The following YTHDC2 variants were observed in gnomAD, a reference collection of about 807,000 sequenced individuals.
YTHDC2 encodes the protein YTH N6-methyladenosine RNA binding protein C2.
YTHDC2 carries 45 observed loss-of-function variants against 174.9 expected under a neutral mutation model. The observed-to-expected ratio is 0.26, with a 90% CI of 0.20 to 0.33. YTHDC2 has a LOEUF of 0.33. Ranked by LOEUF, YTHDC2 falls within the 10% of genes least tolerant of loss-of-function variation. The probability of loss-of-function intolerance (pLI) is 1.00; values close to 1 mark genes in which losing one functional copy is unlikely to be tolerated. For synonymous variants in YTHDC2, 657 were observed against 574.5 expected (o/e 1.14, Z -2.05); for missense variants, 1,650 against 1,723.7 (o/e 0.96, Z 0.76).
chr5:113,568,910 C>T (rs937439153), intron 23 of YTHDC2, among the ~76,000 whole-genome samples: 1 of 151,944 alleles, frequency 6.6e-6, no homozygotes, highest in Non-Finnish European at 1.5e-5. Flanking sequence ...TTTCTGCCTC[C>T]AGGTCTTTGA....
In YTHDC2 at chr5:113,540,701, A is replaced by G. The variant is rs115306816; in HGVS notation, c.1211-267A>G. On this transcript the variant is annotated intron_variant, in intron 8 of 29. Transcript: ENST00000161863. ...CACCTCCCACCAGGTCTTTCCCTCAACACCTGCGAATTATAATTCAAGATG... is the reference window on the plus strand; with the variant it reads ...CACCTCCCACCAGGTCTTTCCCTCAGCACCTGCGAATTATAATTCAAGATG... 6.5e-3 allele frequency among the ~76,000 whole-genome samples: 996 copies of G among 152,234 alleles called. 7 individuals are homozygous for G. The highest frequency in any genetic ancestry group is 0.022 in the African/African-American group (927 of 41,538).
chr5:113,590,285 G>A (rs1318802480), intron 26 of YTHDC2, among the ~76,000 whole-genome samples: 2 of 152,142 alleles, frequency 1.3e-5, no homozygotes, highest in Non-Finnish European at 2.9e-5. Flanking sequence ...GTTAGGAATG[G>A]GCCAGAGCAG....
chr5:113,515,440 T>A, intron 2 of YTHDC2, 78 bp downstream of exon 2: 1 of 1,137,402 alleles, frequency 8.8e-7, no homozygotes, highest in Non-Finnish European at 1.3e-6. Context: ...TGAGTACATT[T>A]AAGTACTTAT....
At chr5:113,528,007 A>G (rs1428109552) in intron 4 of YTHDC2, among the ~76,000 whole-genome samples, 1 of 152,098 alleles carries the variant, frequency 6.6e-6, no homozygotes, top group Non-Finnish European at 1.5e-5. Flanking sequence ...TACTCCAGAG[A>G]ATTTGTTTAG....
rs113610272 is a variant in YTHDC2, at chr5:113,578,366, G to GGTTTTGTTTT, written c.3245-1199_3245-1190dup. ...ATGAGTCACCACACCTGGCATAGAA[G>GGTTTTGTTTT]GTTTTGTTTTGTTTTGTTTTGTTTT... is the stretch of plus-strand genomic sequence containing the variant. On this transcript the variant is annotated intron_variant, in intron 23 of 29. Transcript: ENST00000161863. Among the ~76,000 whole-genome samples, 881 of 148,824 alleles carry GGTTTTGTTTT rather than the reference G, an allele frequency of 5.9e-3. 13 individuals are homozygous for GGTTTTGTTTT. Among genetic ancestry groups the GGTTTTGTTTT allele is most frequent in the East Asian group, 0.02 (105 of 5,142 alleles).
intron 23 of YTHDC2, among the ~76,000 whole-genome samples, chr5:113,573,137 T>C (rs1284692191): frequency 6.6e-6 from 1 of 152,186 alleles, no homozygotes; most frequent in Non-Finnish European, 1.5e-5. Context: ...AGTGCTTCCT[T>C]CAGGAGCTCT....
chr5:113,517,625 A>T (rs995838442), intron 2 of YTHDC2: 1 of 456,290 alleles, frequency 2.2e-6, no homozygotes, highest in South Asian at 1.5e-5. Flanking sequence ...CTGCCTATTT[A>T]TCCAGTCCCT....
chr5:113,556,245 G>T, intron 17 of YTHDC2, 111 bp downstream of exon 17: 1 of 519,652 alleles, frequency 1.9e-6, no homozygotes. Flanking sequence ...TAGTTTTCAT[G>T]TTAAAATTTT....
chr5:113,534,540 A>G (rs1774922239), intron 6 of YTHDC2, 133 bp downstream of exon 6: 2 of 590,798 alleles, frequency 3.4e-6, no homozygotes, highest in African/African-American at 1.8e-5. Flanking sequence ...AAGAGAACCA[A>G]CTTATTCTTT....
chr5:113,553,066 A>G (rs1580562276), intron 12 of YTHDC2, 115 bp from the exon 13 acceptor site: 1 of 988,324 alleles, frequency 1.0e-6, no homozygotes. Context: ...TATAGCTAGG[A>G]CATTAAGTGT....
chr5:113,574,596 C>G (rs1228331182), intron 23 of YTHDC2, among the ~76,000 whole-genome samples: 2 of 152,188 alleles, frequency 1.3e-5, no homozygotes, highest in Non-Finnish European at 2.9e-5. Context: ...CACCCCTCCC[C>G]CTGGGAACTC....
chr5:113,523,659 A>AATTCAT (rs1300307846), intron 2 of YTHDC2, among the ~76,000 whole-genome samples: 1 of 152,112 alleles, frequency 6.6e-6, no homozygotes, highest in Non-Finnish European at 1.5e-5. Context: ...GAAAGCTTAA[A>AATTCAT]ATTCATTGAA....
intron 16 of YTHDC2, among the ~76,000 whole-genome samples, chr5:113,554,422 A>G (rs1393264084): frequency 6.6e-6 from 1 of 152,054 alleles, no homozygotes; most frequent in Non-Finnish European, 1.5e-5. Context: ...ATGCACATGG[A>G]TTATGTCTTT....
Position 113,548,544 on chromosome 5 carries a change from A to G in YTHDC2, c.1499A>G (p.Asp500Gly). ...ATTTATCTTTTCCTTTTTTTAGTTG[A>G]TTACAGACATAGTGAAACCAGTGCA... is the stretch of plus-strand genomic sequence containing the variant. ...HLILTENVSV[D>G]YRHSETSATA... The change falls in exon 11 of 30, where the codon GAT becomes GGT. Residue 500 changes from aspartate to glycine, a missense_variant. This residue lies in a region of YTHDC2 where 411 missense variants were observed against 380.6 expected (regional missense o/e 1.08). Coordinates refer to ENST00000161863, the MANE Select transcript of YTHDC2 (RefSeq NM_022828.5). 1 of 1,591,548 alleles carries G rather than the reference A, an allele frequency of 6.3e-7. No individual in the cohort carries two copies. Among genetic ancestry groups the G allele is most frequent in the Non-Finnish European group, 8.5e-7 (1 of 1,173,224 alleles).
chr5:113,559,776 G>C (rs918448064), intron 17 of YTHDC2, among the ~76,000 whole-genome samples: 1 of 152,320 alleles, frequency 6.6e-6, no homozygotes, highest in African/African-American at 2.4e-5. Flanking sequence ...AGGTCCTGAA[G>C]CATTTCTTGG....
chr5:113,551,744 TTAAAG>T (rs1776266209), intron 12 of YTHDC2, among the ~76,000 whole-genome samples: 1 of 152,150 alleles, frequency 6.6e-6, no homozygotes, highest in African/African-American at 2.4e-5. Flanking sequence ...ATCCCAGAAC[TTAAAG>T]TATAATAAAA....
intron 2 of YTHDC2, among the ~76,000 whole-genome samples, chr5:113,521,449 G>A (rs1214656712): frequency 6.6e-6 from 1 of 152,134 alleles, no homozygotes; most frequent in Non-Finnish European, 1.5e-5. Context: ...CAGAAAAATA[G>A]GCTGGGCGCA....
At chr5:113,539,282 G>C (rs929002369) in intron 8 of YTHDC2, 101 bp downstream of exon 8, 15 of 474,242 alleles carry the variant, frequency 3.2e-5, no homozygotes, top group Non-Finnish European at 5.1e-5. Flanking sequence ...ACTTGAAAGT[G>C]TTTTTCTCTT....
Position 113,567,112 on chromosome 5 carries a change from G to T in YTHDC2, c.2863G>T (p.Gly955Cys). Residue 955 changes from glycine (G) to cysteine (C), a missense_variant, in exon 22 of 30, where the codon GGT (glycine) becomes TGT (cysteine). Physicochemically the swap from Gly to Cys is radical, Grantham distance 159. Around this residue, in one of 5 missense-constraint regions of YTHDC2, gnomAD observed 913 missense variants for 940.4 expected, o/e 0.97. Transcript: ENST00000161863. ...RASGFVRARG[G>C]GDIRDVNTNS... ...TCTAGGTTTTGTTAGAGCACGAGGT[G>T]GTGGTGACATTCGGGACGTTAACAC... The T allele has an allele frequency of 6.2e-7, 1 of 1,613,640 alleles. No homozygotes were observed. The highest frequency in any genetic ancestry group is 1.7e-5 in the Admixed American group (1 of 59,916).
Sources: gnomAD v4.1 joint callset for allele counts (sites outside exome capture counted in the v4.1 genomes callset) on GRCh38, gnomAD v4.1.1 for gene constraint, gnomAD v4.1.1 regional missense constraint, MANE v1.5 for transcripts, NCBI Gene and HGNC (gene_info 2026-07-23, HGNC 2026-07-21) for gene names.